Variants in COL11A1 observed in about 807,000 individuals in gnomAD.
The protein encoded by COL11A1 is collagen type XI alpha 1 chain, also known as collagen alpha-1(XI) chain.
Under a neutral mutation model 265.2 loss-of-function variants are expected in COL11A1, and 74 were observed. The observed-to-expected ratio is 0.28, with a 90% CI of 0.23 to 0.34. COL11A1 has a LOEUF of 0.34. Ranked by LOEUF, COL11A1 falls within the 10% of genes least tolerant of loss-of-function variation. COL11A1 has a pLI of 1.00. For missense variants in COL11A1, 2,165 were observed against 2,263.6 expected (o/e 0.96, Z 0.88); for synonymous variants, 816 against 727.6 (o/e 1.12, Z -1.96).
chr1:102,926,493 T>G (rs1656614244), intron 46 of COL11A1, among the ~76,000 whole-genome samples: 1 of 152,160 alleles, frequency 6.6e-6, no homozygotes, highest in African/African-American at 2.4e-5. Context: ...ATTGCTAATA[T>G]CTATTCTGCC....
At position 103,008,618 on chromosome 1, in the gene COL11A1, A is replaced by G. The variant is rs975975084; in HGVS notation, c.1630-102T>C. The G allele has an allele frequency of 1.0e-5, 10 of 989,076 alleles. No homozygotes were observed. The Admixed American group carries it at 1.2e-4, about 12-fold the overall frequency. 61.3% of individuals were successfully genotyped at this position (989,076 alleles called of 1,614,324 possible). A position where few individuals can be genotyped will look rare whatever the true frequency, so the allele number is the denominator to read the frequency against. ...AATAATTAAACATTATTCAAAATAT[A>G]TTTAATCATATTAGCATTAACTTAT... is the stretch of plus-strand genomic sequence containing the variant. On this transcript the variant is annotated intron_variant, in intron 14 of 66. Transcript: ENST00000370096.
At chr1:103,006,850 T>C (rs983411749) in intron 15 of COL11A1, among the ~76,000 whole-genome samples, 1 of 152,170 alleles carries the variant, frequency 6.6e-6, no homozygotes, top group East Asian at 1.9e-4. Context: ...TAATTATATA[T>C]GTAGACATGA....
intron 25 of COL11A1, 28 bp downstream of exon 25, chr1:102,998,282 T>A: frequency 6.3e-7 from 1 of 1,587,284 alleles, no homozygotes; most frequent in Non-Finnish European, 8.6e-7. Flanking sequence ...TGTAAAGAAA[T>A]TTTAATGACC....
At chr1:103,057,411 T>G (rs1173053678) in intron 4 of COL11A1, among the ~76,000 whole-genome samples, 1 of 152,182 alleles carries the variant, frequency 6.6e-6, no homozygotes, top group Admixed American at 6.5e-5. Flanking sequence ...TACTGACATC[T>G]TGAATGCTTC....
Position 102,915,476 on chromosome 1 carries a change from T to C in COL11A1, c.3816+155A>G, listed in dbSNP as rs1169673322. On this transcript the variant is annotated intron_variant, in intron 50 of 66. Coordinates refer to ENST00000370096, the MANE Select transcript of COL11A1 (RefSeq NM_001854.4). ...CCACATATGTAAAGATATCCAAAGT[T>C]ATTAAACAAGGCTTTGTATTTGTGA... is the stretch of plus-strand genomic sequence containing the variant. Among the ~76,000 whole-genome samples, 7 of 152,192 alleles carry C rather than the reference T, an allele frequency of 4.6e-5. No individual in the cohort carries two copies. In the East Asian group the frequency reaches 1.3e-3, roughly 29 times the overall value.
chr1:102,959,358 A>G (rs1660667238), intron 41 of COL11A1, among the ~76,000 whole-genome samples: 1 of 152,200 alleles, frequency 6.6e-6, no homozygotes, highest in Non-Finnish European at 1.5e-5. Context: ...CCACTTGGGC[A>G]AAAACAGATA....
chr1:103,029,635 AAG>A (rs1667822900), intron 5 of COL11A1, among the ~76,000 whole-genome samples: 1 of 152,070 alleles, frequency 6.6e-6, no homozygotes, highest in Admixed American at 6.6e-5. Flanking sequence ...ATTACCCAAC[AAG>A]ATTGTCATGC....
chr1:102,913,172 C>T (rs1302813062), intron 53 of COL11A1, among the ~76,000 whole-genome samples: 2 of 152,058 alleles, frequency 1.3e-5, no homozygotes, highest in Non-Finnish European at 2.9e-5. Flanking sequence ...CCCTAAATAA[C>T]TAAATGTGGT....
At chr1:102,949,183 C>T (rs1557860964) in intron 41 of COL11A1, among the ~76,000 whole-genome samples, 1 of 150,056 alleles carries the variant, frequency 6.7e-6, no homozygotes, top group East Asian at 1.9e-4. Context: ...AAATTAATAC[C>T]ACTAAAGATA....
intron 46 of COL11A1, among the ~76,000 whole-genome samples, chr1:102,925,606 A>G (rs2101103128): frequency 6.6e-6 from 1 of 152,202 alleles, no homozygotes; most frequent in East Asian, 1.9e-4. Context: ...TTCTAGAATT[A>G]TAAGTGAAGT....
chr1:102,970,996 C>G (rs1661919824), intron 36 of COL11A1, among the ~76,000 whole-genome samples: 1 of 134,790 alleles, frequency 7.4e-6, no homozygotes, highest in African/African-American at 2.8e-5. Context: ...GCGAGACCGT[C>G]TCAAAAAACA....
At chr1:103,018,729 A>G (rs1666761215) in intron 10 of COL11A1, 89 bp downstream of exon 10, 10 of 1,013,996 alleles carry the variant, frequency 9.9e-6, no homozygotes, top group East Asian at 5.2e-5. Context: ...TATTCTAATT[A>G]GTCTAAAATG....
At chr1:103,098,480 T>C (rs929082815) in intron 1 of COL11A1, among the ~76,000 whole-genome samples, 2 of 151,886 alleles carry the variant, frequency 1.3e-5, no homozygotes, top group African/African-American at 4.8e-5. Context: ...TTCATCAAAA[T>C]TTCCAGCGTT....
chr1:102,881,844 AT>A (rs1650283449), intron 64 of COL11A1, 79 bp from the exon 65 acceptor site: 1 of 1,012,044 alleles, frequency 9.9e-7, no homozygotes, highest in Admixed American at 1.9e-5. Context: ...CATATAATTC[AT>A]TTTCAGTAAG....
intron 65 of COL11A1, chr1:102,880,159 CTCTAAG>C: frequency 2.1e-6 from 1 of 476,332 alleles, no homozygotes; most frequent in Non-Finnish European, 3.8e-6. Context: ...ACCACTTTAT[CTCTAAG>C]TCTTAGTTTC....
At chr1:102,978,523 C>T (rs1218788966) in intron 35 of COL11A1, among the ~76,000 whole-genome samples, 185 bp downstream of exon 35, 1 of 152,032 alleles carries the variant, frequency 6.6e-6, no homozygotes, top group East Asian at 1.9e-4. Context: ...ATTAGTAGAA[C>T]ATATTGATTA....
At chr1:103,029,710 C>T (rs976582997) in intron 5 of COL11A1, among the ~76,000 whole-genome samples, 3 of 151,962 alleles carry the variant, frequency 2.0e-5, no homozygotes, top group African/African-American at 7.2e-5. Context: ...CCAAGTTTGA[C>T]ATCTCAACAG....
chr1:102,946,901 C>A lies in COL11A1; in HGVS notation c.3224G>T (p.Gly1075Val). Reference protein sequence around the residue: ...AGTAGPIGLPGRPGPQGPPGP... With the variant: ...AGTAGPIGLPVRPGPQGPPGP... The stretch of plus-strand genomic sequence containing the variant: ...AGGAGGACCCTGAGGTCCCGGGCGC[C>A]CTGGTAAACCAATTGGGCCAGCTGT... The change falls in exon 42 of 67, where the codon GGG (glycine) becomes GTG (valine). Residue 1075 changes from glycine (G) to valine (V), a missense_variant. Physicochemically the swap from Gly to Val is moderately radical, Grantham distance 109 (BLOSUM62 -3). Transcript: ENST00000370096. 2 of 1,613,568 alleles carry A rather than the reference C, an allele frequency of 1.2e-6. No homozygotes were observed. Among genetic ancestry groups the A allele is most frequent in the Non-Finnish European group, 1.7e-6 (2 of 1,179,878 alleles).
At chr1:102,905,710 A>G (rs1482835621) in intron 54 of COL11A1, among the ~76,000 whole-genome samples, 1 of 152,124 alleles carries the variant, frequency 6.6e-6, no homozygotes, top group African/African-American at 2.4e-5. Flanking sequence ...TTCTCATAGG[A>G]AATTCTTTAC....
Sources: gnomAD v4.1 joint callset for allele counts (sites outside exome capture counted in the v4.1 genomes callset) on GRCh38, gnomAD v4.1.1 for gene constraint, MANE v1.5 for transcripts, NCBI Gene and HGNC (gene_info 2026-07-23, HGNC 2026-07-21) for gene names.